Variants in ADCY10 observed in about 807,000 individuals in gnomAD.
The protein encoded by ADCY10 is adenylate cyclase 10, also known as adenylate cyclase type 10.
Under a neutral mutation model 183.3 loss-of-function variants are expected in ADCY10, and 156 were observed. The ratio of observed to expected loss-of-function variants is 0.85; its 90% CI spans 0.75 to 0.97. ADCY10 has a LOEUF of 0.97. Ranked by LOEUF, ADCY10 falls within the 50% of genes least tolerant of loss-of-function variation. The pLI is 0.00. For missense variants in ADCY10, 1,745 were observed against 1,934.3 expected (o/e 0.90, Z 1.84); for synonymous variants, 645 against 670.0 (o/e 0.96, Z 0.58).
intron 1 of ADCY10, among the ~76,000 whole-genome samples, chr1:167,905,695 A>C (rs1428771180): frequency 1.3e-5 from 2 of 152,160 alleles, no homozygotes. Context: ...GATTAAGACT[A>C]TAAAGGTATA....
intron 13 of ADCY10, among the ~76,000 whole-genome samples, chr1:167,873,474 A>G (rs1045012182): frequency 6.6e-6 from 1 of 152,178 alleles, no homozygotes; most frequent in Non-Finnish European, 1.5e-5. Flanking sequence ...AGTTAGGACC[A>G]AGATTTAACT....
At chr1:167,895,383 TC>T (rs1335192285) in intron 7 of ADCY10, among the ~76,000 whole-genome samples, 1 of 152,034 alleles carries the variant, frequency 6.6e-6, no homozygotes, top group Non-Finnish European at 1.5e-5. Context: ...TTGTACAGTC[TC>T]CCCACTCCCC....
chr1:167,906,506 T>A (rs1669826796), intron 1 of ADCY10, among the ~76,000 whole-genome samples: 1 of 151,740 alleles, frequency 6.6e-6, no homozygotes, highest in East Asian at 1.9e-4. Context: ...GGGTGTGAGA[T>A]GCTAGATGCA....
Position 167,818,239 on chromosome 1 carries a change from A to C in ADCY10, c.4315T>G (p.Phe1439Val). 1 of 1,614,134 alleles carries C rather than the reference A, an allele frequency of 6.2e-7. No individual in the cohort carries two copies. Among genetic ancestry groups the C allele is most frequent in the East Asian group, 2.2e-5 (1 of 44,880 alleles). ...TTAGCTCTATTGGAAAATTTGTAAA[A>C]GTTGTCCCATTCCTGAAGTCTGGCA... is the stretch of plus-strand genomic sequence containing the variant. ...WYARLQEWDN[F>V]YKFSNRAKNL... Residue 1439 changes from phenylalanine to valine, a missense_variant, in exon 31 of 33, where the codon TTT becomes GTT. Phe to Val is a conservative substitution (Grantham distance 50). Coordinates refer to ENST00000367851, the MANE Select transcript of ADCY10 (RefSeq NM_018417.6).
intron 18 of ADCY10, among the ~76,000 whole-genome samples, chr1:167,850,250 T>C (rs1571299658): frequency 6.6e-6 from 1 of 151,484 alleles, no homozygotes; most frequent in South Asian, 2.1e-4. Context: ...ATGGAGGAAA[T>C]GGGGCCTAAG....
At chr1:167,859,177 T>C (rs1235751348) in intron 16 of ADCY10, among the ~76,000 whole-genome samples, 3 of 152,194 alleles carry the variant, frequency 2.0e-5, no homozygotes, top group East Asian at 3.8e-4. Context: ...GTGGAATATA[T>C]ACAAGGCTCT....
chr1:167,871,085 T>C (rs1667075717), intron 13 of ADCY10, among the ~76,000 whole-genome samples: 1 of 152,136 alleles, frequency 6.6e-6, no homozygotes, highest in African/African-American at 2.4e-5. Context: ...TTGTTTTTTG[T>C]TTTTTGTTTT....
intron 10 of ADCY10, 66 bp downstream of exon 10, chr1:167,880,425 A>G: frequency 8.5e-7 from 1 of 1,182,432 alleles, no homozygotes; most frequent in Non-Finnish European, 1.3e-6. Flanking sequence ...TGTTCCCTGC[A>G]TGCCCTCCCT....
At chr1:167,874,042 A>C (rs1343920513) in intron 13 of ADCY10, among the ~76,000 whole-genome samples, 1 of 152,226 alleles carries the variant, frequency 6.6e-6, no homozygotes, top group African/African-American at 2.4e-5. Context: ...ACTTTAAAAA[A>C]ATGTCTGGGC....
chr1:167,810,833 A>G lies in ADCY10; in HGVS notation c.4563T>C (p.Cys1521=), dbSNP rs762329223. The G allele has an allele frequency of 6.2e-7, 1 of 1,614,192 alleles. No homozygotes were observed. The highest frequency in any genetic ancestry group is 2.2e-5 in the East Asian group (1 of 44,882). ...ATTTCTGCCCATCTCCCATTAATAT[A>G]CAGACGTAAGCCATCAGGTGGTAGA... ...PRLYHLMAYV[C]ILMGDGQKCG... is the part of the protein sequence containing the mutation. Residue 1521 remains cysteine, a synonymous_variant, in exon 32 of 33, where the codon TGT becomes TGC. Transcript: ENST00000367851.
intron 6 of ADCY10, 34 bp downstream of exon 6, chr1:167,899,389 C>T: frequency 1.2e-6 from 2 of 1,608,758 alleles, no homozygotes; most frequent in East Asian, 4.5e-5. Context: ...TACAGGCTGG[C>T]AGAACTTTCT....
intron 16 of ADCY10, among the ~76,000 whole-genome samples, chr1:167,859,073 A>AAGGATC (rs1475156903): frequency 6.6e-6 from 1 of 152,204 alleles, no homozygotes; most frequent in Non-Finnish European, 1.5e-5. Flanking sequence ...TAATGAAATC[A>AAGGATC]AGGATCAGGA....
At chr1:167,810,692 C>T (rs769875899) in intron 32 of ADCY10, 33 bp downstream of exon 32, 11 of 1,608,268 alleles carry the variant, frequency 6.8e-6, no homozygotes, top group Admixed American at 1.7e-5. Flanking sequence ...GGGTGAGCAT[C>T]GCCACCCCGG....
chr1:167,887,654 C>G (rs1247365954), intron 8 of ADCY10, among the ~76,000 whole-genome samples: 1 of 151,638 alleles, frequency 6.6e-6, no homozygotes, highest in African/African-American at 2.4e-5. Context: ...ACGTAACAAA[C>G]CTGCACATTG....
At chr1:167,892,725 A>G (rs1187126197) in intron 8 of ADCY10, among the ~76,000 whole-genome samples, 1 of 152,190 alleles carries the variant, frequency 6.6e-6, no homozygotes, top group Non-Finnish European at 1.5e-5. Context: ...AATTCACTCT[A>G]TGAAGGCAGC....
At chr1:167,810,955 G>T in intron 31 of ADCY10, 42 bp from the exon 32 acceptor site, 1 of 1,579,368 alleles carries the variant, frequency 6.3e-7, no homozygotes, top group East Asian at 2.2e-5. Context: ...GAATTAAACA[G>T]GGGTCCTTGA....
chr1:167,837,622 G>A (rs1664323605), intron 21 of ADCY10, among the ~76,000 whole-genome samples: 1 of 152,222 alleles, frequency 6.6e-6, no homozygotes, highest in African/African-American at 2.4e-5. Context: ...CAAGTTGGGA[G>A]GAGCCTGGGT....
chr1:167,901,114 G>T (rs532018951), intron 5 of ADCY10, among the ~76,000 whole-genome samples: 17 of 152,280 alleles, frequency 1.1e-4, no homozygotes, highest in African/African-American at 4.1e-4. Context: ...CACGTGCATA[G>T]TGTGTAATGT....
intron 21 of ADCY10, among the ~76,000 whole-genome samples, chr1:167,840,752 G>GA (rs11380658): frequency 0.31 from 47,208 of 151,386 alleles, 9,839 homozygotes; most frequent in African/African-American, 0.6. Context: ...AAAATCAAAA[G>GA]AAAAAAACAT....
Sources: gnomAD v4.1 joint callset for allele counts (sites outside exome capture counted in the v4.1 genomes callset) on GRCh38, gnomAD v4.1.1 for gene constraint, MANE v1.5 for transcripts, NCBI Gene and HGNC (gene_info 2026-07-23, HGNC 2026-07-21) for gene names.